Variants in BCR observed in about 807,000 individuals in gnomAD.
BCR encodes BCR activator of RhoGEF and GTPase.
A neutral mutation model predicts 138.6 loss-of-function variants in BCR; 58 were observed. The observed-to-expected ratio is 0.42, with a 90% CI of 0.34 to 0.52. The LOEUF (loss-of-function observed/expected upper bound fraction) is 0.52. BCR is among the 20% of genes least tolerant of loss of function. BCR has a pLI of 0.06. For synonymous variants in BCR, 786 were observed against 730.1 expected, an observed-to-expected ratio of 1.08 and a Z score of -1.23; for missense variants, 1,599 against 1,727.2, an observed-to-expected ratio of 0.93 and a Z score of 1.32.
chr22:23,199,258 C>A (rs1304867721), intron 1 of BCR: 2 of 518,554 alleles, frequency 3.9e-6, no homozygotes, highest in African/African-American at 3.9e-5. Context: ...CTTCTCTGTG[C>A]AAGAGCCAGG....
intron 4 of BCR, among the ~76,000 whole-genome samples, chr22:23,265,802 T>C (rs757521958): frequency 1.3e-5 from 2 of 152,230 alleles, no homozygotes; most frequent in Admixed American, 6.5e-5. Flanking sequence ...ACAAGAAGTT[T>C]TCCCCCTGAA....
At chr22:23,201,270 C>T (rs2072550447) in intron 1 of BCR, among the ~76,000 whole-genome samples, 1 of 152,152 alleles carries the variant, frequency 6.6e-6, no homozygotes, top group African/African-American at 2.4e-5. Flanking sequence ...GGGCTGCATT[C>T]CCTGCTGGGG....
At chr22:23,216,503 G>A (rs2072753921) in intron 1 of BCR, among the ~76,000 whole-genome samples, 2 of 152,222 alleles carry the variant, frequency 1.3e-5, no homozygotes, top group African/African-American at 4.8e-5. Context: ...CGATGGTAAG[G>A]ATGAAAATGA....
At chr22:23,234,947 G>A (rs1455425028) in intron 1 of BCR, among the ~76,000 whole-genome samples, 1 of 143,658 alleles carries the variant, frequency 7.0e-6, no homozygotes, top group Non-Finnish European at 1.6e-5. Context: ...CATGCTTAGA[G>A]GAGTCAGGCT....
chr22:23,239,419 G>A (rs1300899222), intron 1 of BCR, among the ~76,000 whole-genome samples: 2 of 152,272 alleles, frequency 1.3e-5, no homozygotes, highest in East Asian at 1.9e-4. Flanking sequence ...AAGAGAGCAC[G>A]GATACATTGT....
chr22:23,304,960 C>CA (rs1182228823), intron 16 of BCR, among the ~76,000 whole-genome samples: 4 of 152,066 alleles, frequency 2.6e-5, no homozygotes, highest in African/African-American at 9.7e-5. Context: ...ACTAAAAATA[C>CA]AAAAATTAAC....
intron 1 of BCR, among the ~76,000 whole-genome samples, chr22:23,219,147 G>C (rs944781474): frequency 1.3e-5 from 2 of 152,198 alleles, no homozygotes; most frequent in South Asian, 2.1e-4. Flanking sequence ...AATAATCCAG[G>C]GGGAGGGGAG....
chr22:23,295,788 C>CG (rs2073838887), intron 16 of BCR, among the ~76,000 whole-genome samples: 1 of 152,108 alleles, frequency 6.6e-6, no homozygotes, highest in Admixed American at 6.5e-5. Flanking sequence ...CCTGGGAGCA[C>CG]GCCACCAGGG....
At chr22:23,232,497 G>A (rs865858527) in intron 1 of BCR, among the ~76,000 whole-genome samples, 11 of 152,188 alleles carry the variant, frequency 7.2e-5, no homozygotes, top group Non-Finnish European at 1.0e-4. Context: ...CTCTTTGGGA[G>A]TGGGGGGTGC....
rs542000494 is a variant in BCR at position 23,312,795 on chromosome 22, A to G, written c.3323-92A>G. The G allele has an allele frequency of 1.1e-3, 1,646 of 1,506,970 alleles. 9 individuals are homozygous for G. The African/African-American group carries it at 0.019, about 17-fold the overall frequency. The allele number at this position is 1,506,970 out of a possible 1,614,324, so 93.3% of individuals were successfully genotyped here. On this transcript the variant is annotated intron_variant, in intron 19 of 22. Transcript: ENST00000305877. ...AGGAGGGACCCGCACAGTGGTCAGC[A>G]TGGCAGGGACAGTGCTTTAGCCAAG...
At chr22:23,182,810 C>G (rs1164364983) in intron 1 of BCR, among the ~76,000 whole-genome samples, 1 of 152,182 alleles carries the variant, frequency 6.6e-6, no homozygotes, top group Non-Finnish European at 1.5e-5. Context: ...CAAGTCACAG[C>G]AGGTGAGAAT....
intron 16 of BCR, among the ~76,000 whole-genome samples, chr22:23,308,807 C>T (rs2073976204): frequency 6.6e-6 from 1 of 152,152 alleles, no homozygotes; most frequent in Non-Finnish European, 1.5e-5. Flanking sequence ...TAAGGACAAG[C>T]TCCTGCAGGC....
chr22:23,187,435 G>T (rs2072358776), intron 1 of BCR, among the ~76,000 whole-genome samples: 1 of 151,428 alleles, frequency 6.6e-6, no homozygotes, highest in Non-Finnish European at 1.5e-5. Context: ...TCTTATTTGT[G>T]TTGCAGCTGG....
Position 23,263,397 on chromosome 22 carries a change from A to G in BCR, c.1752+1857A>G, listed in dbSNP as rs568157101. 198 of 1,245,958 alleles carry G rather than the reference A, an allele frequency of 1.6e-4. 3 individuals carry two copies. The South Asian group carries it at 2.1e-3, about 13-fold the overall frequency. The allele number at this position is 1,245,958 out of a possible 1,614,324, so 77.2% of individuals were successfully genotyped here. A position where few individuals can be genotyped will look rare whatever the true frequency, so the allele number is the denominator to read the frequency against. The stretch of plus-strand genomic sequence containing the variant: ...GCGGCTCGGCACCAACCTGATGACC[A>G]GTGTCCCAGTGAAGGTGTCTCAGAA... On this transcript the variant is annotated intron_variant, in intron 4 of 22. Transcript: ENST00000305877.
chr22:23,268,254 G>T (rs1275695774), intron 4 of BCR, among the ~76,000 whole-genome samples, 154 bp from the exon 5 acceptor site: 1 of 152,178 alleles, frequency 6.6e-6, no homozygotes, highest in Non-Finnish European at 1.5e-5. Context: ...GGAGCAGGTG[G>T]GAGGGAGCAG....
At chr22:23,288,068 A>T in intron 11 of BCR, 29 bp from the exon 12 acceptor site, 1 of 1,608,160 alleles carries the variant, frequency 6.2e-7, no homozygotes. Flanking sequence ...GGCGGAGATA[A>T]CTGGGTGTGT....
intron 2 of BCR, among the ~76,000 whole-genome samples, chr22:23,259,921 A>G (rs2073338011): frequency 6.6e-6 from 1 of 152,122 alleles, no homozygotes; most frequent in Non-Finnish European, 1.5e-5. Flanking sequence ...CTGGGCTCTC[A>G]AGGCTGCAGT....
intron 1 of BCR, among the ~76,000 whole-genome samples, chr22:23,189,108 C>G (rs868176726): frequency 6.6e-6 from 1 of 152,128 alleles, no homozygotes; most frequent in South Asian, 2.1e-4. Flanking sequence ...GATCTGCCCC[C>G]CTCAGCCTCC....
chr22:23,181,569 G>T lies in BCR; in HGVS notation c.609G>T (p.Leu203=). ...AGGTGTCGGACCGCATCAGCTCCCT[G>T]GGCAGCCAGGCCATGCAGATGGAGC... ...DKEVSDRISS[L]GSQAMQMERK... The change falls in exon 1 of 23, where the codon CTG becomes CTT. Residue 203 remains leucine, a synonymous_variant. Transcript: ENST00000305877. The T allele has an allele frequency of 6.2e-7, 1 of 1,612,946 alleles. No homozygotes were observed. Among genetic ancestry groups the T allele is most frequent in the Non-Finnish European group, 8.5e-7 (1 of 1,179,990 alleles).
Sources: gnomAD v4.1 joint callset for allele counts (sites outside exome capture counted in the v4.1 genomes callset) on GRCh38, gnomAD v4.1.1 for gene constraint, MANE v1.5 for transcripts, NCBI Gene and HGNC (gene_info 2026-07-23, HGNC 2026-07-21) for gene names.